The following PLEK2 variants were observed in gnomAD, a reference collection of about 807,000 sequenced individuals.
The protein encoded by PLEK2 is pleckstrin-2.
A neutral mutation model predicts 43.8 loss-of-function variants in PLEK2; 29 were observed. That is an observed-to-expected ratio of 0.66 (90% confidence interval 0.49 to 0.90). The LOEUF is 0.90. PLEK2 is among the 40% of genes least tolerant of loss of function. The pLI, the probability that PLEK2 is intolerant of heterozygous loss-of-function variation, is 0.00. For synonymous variants in PLEK2, 162 were observed against 173.2 expected, an observed-to-expected ratio of 0.94 and a Z score of 0.51; for missense variants, 398 against 448.1, an observed-to-expected ratio of 0.89 and a Z score of 1.01.
chr14:67,406,476 T>A (rs2086080000), intron 1 of PLEK2, among the ~76,000 whole-genome samples: 1 of 151,900 alleles, frequency 6.6e-6, no homozygotes, highest in Non-Finnish European at 1.5e-5. Flanking sequence ...CCCTGCCACT[T>A]TGGGGAGACT....
chr14:67,404,349 G>T (rs1595660131), intron 1 of PLEK2, among the ~76,000 whole-genome samples: 1 of 152,038 alleles, frequency 6.6e-6, no homozygotes, highest in South Asian at 2.1e-4. Context: ...AAAAACTCTA[G>T]CAGCCACATG....
chr14:67,393,052 G>T, intron 4 of PLEK2, 98 bp downstream of exon 4: 2 of 1,011,768 alleles, frequency 2.0e-6, no homozygotes, highest in Non-Finnish European at 3.1e-6. Flanking sequence ...CCAGCAGGCA[G>T]CTCTGACCTC....
intron 2 of PLEK2, 57 bp from the exon 3 acceptor site, chr14:67,395,640 G>A: frequency 6.5e-7 from 1 of 1,538,756 alleles, no homozygotes; most frequent in Non-Finnish European, 8.9e-7. Flanking sequence ...AGGACGCCGG[G>A]CAGCAAAAAT....
chr14:67,395,723 T>G (rs1348988499), intron 2 of PLEK2, 140 bp from the exon 3 acceptor site: 10 of 635,344 alleles, frequency 1.6e-5, no homozygotes, highest in Non-Finnish European at 8.3e-6. Context: ...TAGCAGGTAG[T>G]CTTTAAAGAT....
chr14:67,408,146 C>T (rs937191786), intron 1 of PLEK2, among the ~76,000 whole-genome samples: 4 of 151,650 alleles, frequency 2.6e-5, no homozygotes, highest in Admixed American at 6.6e-5. Flanking sequence ...ATTAACCGGG[C>T]GTGGTGGTGC....
chr14:67,397,686 G>A lies in PLEK2; in HGVS notation c.183C>T (p.Pro61=), dbSNP rs199994324. Residue 61 remains proline (P), a synonymous_variant, in exon 2 of 9, where the codon CCC becomes CCT. Coordinates refer to ENST00000216446, the MANE Select transcript of PLEK2 (RefSeq NM_016445.3). The part of the protein sequence containing the change: ...ILLDGCTITC[P]CLEYENRPLL... Reference sequence around the variant, plus strand: ...CCGGTCGGTTTTCATACTCCAGGCAGGGGCAGGTGATGGTGCAGCCATCCA... The same window carrying A: ...CCGGTCGGTTTTCATACTCCAGGCAAGGGCAGGTGATGGTGCAGCCATCCA... 1.3e-4 allele frequency: 205 copies of A among 1,612,992 alleles called. 1 individual carries two copies. In the Middle Eastern group the frequency reaches 1.8e-3, roughly 14 times the overall value.
At chr14:67,388,335 G>A (rs2085941862) in intron 7 of PLEK2, 33 bp from the exon 8 acceptor site, 1 of 1,381,342 alleles carries the variant, frequency 7.2e-7, no homozygotes, top group Non-Finnish European at 1.0e-6. Flanking sequence ...TTAGGAATTT[G>A]TGAATGAACA....
Position 67,393,273 on chromosome 14 carries a change from C to A in PLEK2, c.390-32G>T, listed in dbSNP as rs775409789. The A allele has an allele frequency of 8.7e-6, 13 of 1,494,336 alleles. No individual in the cohort carries two copies. In the African/African-American group the frequency reaches 1.5e-4, roughly 17 times the overall value. The allele number at this position is 1,494,336 out of a possible 1,614,324, so 92.6% of individuals were successfully genotyped here. On this transcript the variant is annotated intron_variant, in intron 3 of 8. Coordinates refer to ENST00000216446, the MANE Select transcript of PLEK2 (RefSeq NM_016445.3). ...GGAAGGGAAGGCAAAGGAGAGGGAA[C>A]CCTCATCACGCGGGCAGGTATAAGG...
chr14:67,396,180 C>T (rs1330841216), intron 2 of PLEK2, among the ~76,000 whole-genome samples: 2 of 151,640 alleles, frequency 1.3e-5, no homozygotes, highest in Non-Finnish European at 2.9e-5. Context: ...CGGAGTCTTG[C>T]TCTGTCGCCC....
intron 6 of PLEK2, 96 bp downstream of exon 6, chr14:67,392,230 C>G (rs2085974245): frequency 1.2e-6 from 1 of 854,658 alleles, no homozygotes. Context: ...TTGGTGCCCT[C>G]CAGCAGCCTC....
chr14:67,410,381 G>C (rs2086108770), intron 1 of PLEK2, among the ~76,000 whole-genome samples: 1 of 152,114 alleles, frequency 6.6e-6, no homozygotes, highest in Admixed American at 6.6e-5. Context: ...CCCGTGCCCA[G>C]CTCTCACTCT....
intron 1 of PLEK2, among the ~76,000 whole-genome samples, chr14:67,409,319 G>A (rs2086101340): frequency 6.6e-6 from 1 of 151,958 alleles, no homozygotes; most frequent in Non-Finnish European, 1.5e-5. Flanking sequence ...CAAGGCCAGG[G>A]GATCACTTGA....
intron 6 of PLEK2, among the ~76,000 whole-genome samples, chr14:67,391,961 C>T (rs966878001): frequency 1.3e-5 from 2 of 152,290 alleles, no homozygotes; most frequent in Non-Finnish European, 2.9e-5. Context: ...GACCCCAGGA[C>T]GCCCCAAGGA....
intron 1 of PLEK2, among the ~76,000 whole-genome samples, chr14:67,403,588 G>C (rs1318314838): frequency 6.6e-6 from 1 of 152,218 alleles, no homozygotes; most frequent in Non-Finnish European, 1.5e-5. Flanking sequence ...TGTGTTACAA[G>C]CAACTGAGAA....
At chr14:67,409,036 G>A (rs1217737628) in intron 1 of PLEK2, among the ~76,000 whole-genome samples, 3 of 149,624 alleles carry the variant, frequency 2.0e-5, no homozygotes, top group Non-Finnish European at 3.0e-5. Flanking sequence ...GCAACATGGT[G>A]AGACATTGTC....
intron 3 of PLEK2, among the ~76,000 whole-genome samples, chr14:67,393,901 T>C (rs1324550723): frequency 6.6e-6 from 1 of 152,172 alleles, no homozygotes; most frequent in Non-Finnish European, 1.5e-5. Flanking sequence ...CCAAAAAAGC[T>C]TGCTATATAA....
intron 1 of PLEK2, among the ~76,000 whole-genome samples, chr14:67,410,094 C>T (rs2086107372): frequency 6.6e-6 from 1 of 152,074 alleles, no homozygotes; most frequent in Non-Finnish European, 1.5e-5. Context: ...TGTTGACTCT[C>T]CTCATTTTCT....
chr14:67,389,996 T>C (rs1008196486), intron 7 of PLEK2, among the ~76,000 whole-genome samples: 1 of 151,930 alleles, frequency 6.6e-6, no homozygotes, highest in African/African-American at 2.4e-5. Context: ...TGAAGCTCAG[T>C]GAGGAAGGAA....
Position 67,393,234 on chromosome 14 carries a change from C to T in PLEK2, c.397G>A (p.Val133Met). ...LPPHISLHRI[V>M]DKMHDSNTGI... ...GTGTTGCTATCGTGCATCTTGTCCACAATGCGACTACATGGAAGGGAAGGC... is the reference window on the plus strand; with the variant it reads ...GTGTTGCTATCGTGCATCTTGTCCATAATGCGACTACATGGAAGGGAAGGC... Residue 133 changes from valine to methionine, a missense_variant, in exon 4 of 9, where the codon GTG becomes ATG. Physicochemically the swap from Val to Met is conservative, Grantham distance 21 (BLOSUM62 1). Transcript: ENST00000216446. The T allele has an allele frequency of 6.2e-7, 1 of 1,612,536 alleles. No homozygotes were observed. The highest frequency in any genetic ancestry group is 1.3e-5 in the African/African-American group (1 of 74,966).
Sources: allele counts gnomAD v4.1 joint callset (sites outside exome capture counted in the v4.1 genomes callset), GRCh38; gene constraint gnomAD v4.1.1; transcripts MANE v1.5; gene names NCBI Gene and HGNC (gene_info 2026-07-23, HGNC 2026-07-21).